COPG1: variants seen among roughly 807,000 people sequenced by gnomAD.
COPG1 encodes the protein coat protein complex I subunit gamma 1.
COPG1 carries 29 observed loss-of-function variants against 102.8 expected under a neutral mutation model. That is an observed-to-expected ratio of 0.28 (90% CI 0.21 to 0.38). COPG1 has a LOEUF of 0.38. COPG1 is among the 10% of genes least tolerant of loss of function. The pLI, the probability that COPG1 is intolerant of heterozygous loss-of-function variation, is 1.00. For missense variants in COPG1, 875 were observed against 1,132.7 expected, an observed-to-expected ratio of 0.77 and a Z score of 3.27; for synonymous variants, 406 against 421.6, an observed-to-expected ratio of 0.96 and a Z score of 0.45.
chr3:129,274,838 C>A lies in COPG1; in HGVS notation c.2257C>A (p.Leu753Met). ...DDEGYEDEYV[L>M]EDLEVTVADH... Reference sequence around the variant, plus strand: ...CTGATTTCTACCTCCATCTCTCCAGCTGGAAGATCTGGAAGTTACTGTAGC... The same window carrying A: ...CTGATTTCTACCTCCATCTCTCCAGATGGAAGATCTGGAAGTTACTGTAGC... The change falls in exon 22 of 24, where the codon CTG (leucine) becomes ATG (methionine). Residue 753 changes from leucine to methionine, a missense_variant and splice_region_variant. Leu to Met is a conservative substitution (Grantham distance 15, BLOSUM62 2). Coordinates refer to ENST00000314797, the MANE Select transcript of COPG1 (RefSeq NM_016128.4). The A allele has an allele frequency of 6.2e-7, 1 of 1,613,960 alleles. No homozygotes were observed. Among genetic ancestry groups the A allele is most frequent in the Non-Finnish European group, 8.5e-7 (1 of 1,179,942 alleles).
Position 129,260,719 on chromosome 3 carries a change from C to T in COPG1, c.1040C>T (p.Thr347Ile). 6.2e-7 allele frequency: 1 copy of T among 1,613,802 alleles called. No homozygotes were observed. The highest frequency in any genetic ancestry group is 8.5e-7 in the Non-Finnish European group (1 of 1,180,024). Residue 347 changes from threonine to isoleucine, a missense_variant, in exon 12 of 24, where the codon ACC becomes ATC. Transcript: ENST00000314797. ...NRSIATLAITTLLKTGSESSI... is the reference protein window; with the variant it reads ...NRSIATLAITILLKTGSESSI... Reference sequence around the variant, plus strand: ...AGCATTGCCACGCTGGCCATCACCACCCTCCTTAAGACGGGCAGCGAGAGC... The same window carrying T: ...AGCATTGCCACGCTGGCCATCACCATCCTCCTTAAGACGGGCAGCGAGAGC...
At position 129,277,305 on chromosome 3, in the gene COPG1, G is replaced by C; in HGVS notation, c.2506G>C (p.Gly836Arg). 1 of 1,613,914 alleles carries C rather than the reference G, an allele frequency of 6.2e-7. No homozygotes were observed. Among genetic ancestry groups the C allele is most frequent in the Non-Finnish European group, 8.5e-7 (1 of 1,179,968 alleles). ...HTLLLAGVFR[G>R]GHDILVRSRL... Reference sequence around the variant, plus strand: ...CTCTTCCCTTCTAGGTGTGTTCCGGGGTGGTCATGACATCCTGGTGCGCTC... The same window carrying C: ...CTCTTCCCTTCTAGGTGTGTTCCGGCGTGGTCATGACATCCTGGTGCGCTC... The change falls in exon 24 of 24, where the codon GGT becomes CGT. Residue 836 changes from glycine (G) to arginine (R), a missense_variant. Coordinates refer to ENST00000314797, the MANE Select transcript of COPG1 (RefSeq NM_016128.4).
intron 14 of COPG1, among the ~76,000 whole-genome samples, chr3:129,266,591 C>T (rs1344722645): frequency 6.6e-6 from 1 of 152,172 alleles, no homozygotes; most frequent in Non-Finnish European, 1.5e-5. Context: ...TTCATGCCCC[C>T]ACTGGACAGA....
At chr3:129,274,764 A>T in intron 21 of COPG1, 74 bp from the exon 22 acceptor site, 3 of 1,512,850 alleles carry the variant, frequency 2.0e-6, no homozygotes, top group Non-Finnish European at 1.8e-6. Flanking sequence ...GCAGGAAGGG[A>T]TGTGTGGATG....
At chr3:129,268,768 T>C (rs763747474) in intron 17 of COPG1, 148 bp downstream of exon 17, 3 of 1,151,400 alleles carry the variant, frequency 2.6e-6, no homozygotes, top group Non-Finnish European at 3.8e-6. Flanking sequence ...CTCCAGAAAA[T>C]AGAGACACAC....
chr3:129,264,562 G>T (rs183674706), intron 13 of COPG1, among the ~76,000 whole-genome samples: 5 of 152,326 alleles, frequency 3.3e-5, no homozygotes, highest in African/African-American at 1.2e-4. Flanking sequence ...TGCCTTGAGT[G>T]TCTTTGCGTT....
chr3:129,256,254 C>A, intron 8 of COPG1, 100 bp downstream of exon 8: 1 of 933,742 alleles, frequency 1.1e-6, no homozygotes, highest in East Asian at 2.6e-5. Context: ...CTTGTGACCC[C>A]TGGCCATAGC....
At chr3:129,268,650 C>G (rs1026256332) in intron 17 of COPG1, 30 bp downstream of exon 17, 8 of 1,610,230 alleles carry the variant, frequency 5.0e-6, no homozygotes, top group Non-Finnish European at 5.1e-6. Flanking sequence ...CAGAGGCCAT[C>G]AAGGCCAGGC....
intron 10 of COPG1, among the ~76,000 whole-genome samples, chr3:129,259,216 G>A (rs1256160870): frequency 2.0e-5 from 3 of 151,966 alleles, no homozygotes; most frequent in African/African-American, 7.3e-5. Context: ...TAATCCCAGC[G>A]CTTTGGGAGG....
chr3:129,256,004 T>G lies in COPG1; in HGVS notation c.493-64T>G, dbSNP rs1319136195. The G allele has an allele frequency of 1.1e-5, 16 of 1,437,884 alleles. No homozygotes were observed. The East Asian group carries it at 3.7e-4, about 33-fold the overall frequency. The allele number at this position is 1,437,884 out of a possible 1,614,324, so 89.1% of individuals were successfully genotyped here. Reference sequence around the variant, plus strand: ...GCTGTGTCTGAGGGAAGACCAGAACTGGGCCCAGAATGTGTGATGGGGACA... The same window carrying G: ...GCTGTGTCTGAGGGAAGACCAGAACGGGGCCCAGAATGTGTGATGGGGACA... On this transcript the variant is annotated intron_variant, in intron 7 of 23. Coordinates refer to ENST00000314797, the MANE Select transcript of COPG1 (RefSeq NM_016128.4).
At chr3:129,255,614 C>CT (rs1939794412) in intron 7 of COPG1, among the ~76,000 whole-genome samples, 1 of 151,938 alleles carries the variant, frequency 6.6e-6, no homozygotes, top group Admixed American at 6.6e-5. Context: ...ACCTGAGTAG[C>CT]TGAGATTGCA....
In COPG1 at chr3:129,256,096, T is replaced by C. The variant is rs372115760; in HGVS notation, c.521T>C (p.Val174Ala). The C allele has an allele frequency of 1.2e-6, 2 of 1,613,824 alleles. No individual in the cohort carries two copies. The highest frequency in any genetic ancestry group is 2.7e-5 in the African/African-American group (2 of 74,912). The change falls in exon 8 of 24, where the codon GTC (valine) becomes GCC (alanine). Residue 174 changes from valine (V) to alanine (A), a missense_variant. Val to Ala is a moderately conservative substitution (Grantham distance 64, BLOSUM62 0). Transcript: ENST00000314797. ...CTGCTGAAGTGCAGCTTTGACGTGG[T>C]CAAGCGCTGGGTGAATGAGGCTCAG... Reference protein sequence around the residue: ...LHLLKCSFDVVKRWVNEAQEA... With the variant: ...LHLLKCSFDVAKRWVNEAQEA...
chr3:129,254,898 A>G lies in COPG1; in HGVS notation c.400-87A>G, dbSNP rs928843432. 1.8e-5 allele frequency: 22 copies of G among 1,238,048 alleles called. No individual in the cohort carries two copies. In the African/African-American group the frequency reaches 2.2e-4, roughly 12 times the overall value. The allele number at this position is 1,238,048 out of a possible 1,614,324, so 76.7% of individuals were successfully genotyped here. ...CATGAGAAACGCTTACTTCCTCCTCATACTCATCTCTGCCCCCATTCCTGC... is the reference window on the plus strand; with the variant it reads ...CATGAGAAACGCTTACTTCCTCCTCGTACTCATCTCTGCCCCCATTCCTGC... On this transcript the variant is annotated intron_variant, in intron 6 of 23. Coordinates refer to ENST00000314797, the MANE Select transcript of COPG1 (RefSeq NM_016128.4).
At chr3:129,261,996 A>G (rs555437728) in intron 12 of COPG1, among the ~76,000 whole-genome samples, 1 of 152,314 alleles carries the variant, frequency 6.6e-6, no homozygotes, top group Non-Finnish European at 1.5e-5. Flanking sequence ...GCAAACAATA[A>G]TATGAATAAT....
intron 2 of COPG1, 184 bp downstream of exon 2, chr3:129,250,918 T>A: frequency 2.3e-6 from 1 of 438,266 alleles, no homozygotes; most frequent in Non-Finnish European, 4.0e-6. Context: ...ACTTCTTTTT[T>A]TTTTTTTTTT....
intron 10 of COPG1, 74 bp downstream of exon 10, chr3:129,257,934 G>A (rs988235161): frequency 1.3e-6 from 2 of 1,556,286 alleles, no homozygotes; most frequent in Non-Finnish European, 1.7e-6. Context: ...CCCGGGCTAG[G>A]AGAAAGAAAG....
chr3:129,273,837 T>C (rs568273238), intron 21 of COPG1, among the ~76,000 whole-genome samples: 1 of 152,336 alleles, frequency 6.6e-6, no homozygotes, highest in African/African-American at 2.4e-5. Context: ...TTTGCTGTGC[T>C]GGGCAGTCCT....
intron 15 of COPG1, 150 bp downstream of exon 15, chr3:129,267,249 T>C (rs1940079898): frequency 3.5e-6 from 2 of 571,166 alleles, no homozygotes; most frequent in Non-Finnish European, 6.2e-6. Flanking sequence ...TAGAAAAGCA[T>C]GAAAAACAAT....
At chr3:129,255,618 G>A (rs562121168) in intron 7 of COPG1, among the ~76,000 whole-genome samples, 14 of 151,938 alleles carry the variant, frequency 9.2e-5, no homozygotes, top group Non-Finnish European at 1.9e-4. Flanking sequence ...GAGTAGCTGA[G>A]ATTGCAGGTG....
Sources: allele counts gnomAD v4.1 joint callset (sites outside exome capture counted in the v4.1 genomes callset), GRCh38; gene constraint gnomAD v4.1.1; transcripts MANE v1.5; gene names NCBI Gene and HGNC (gene_info 2026-07-23, HGNC 2026-07-21).